DNAJB13: variants seen among roughly 807,000 people sequenced by gnomAD.
DNAJB13 encodes dnaJ homolog subfamily B member 13.
In DNAJB13, 22 loss-of-function variants were observed where a neutral mutation model predicts 35.6. The ratio of observed to expected loss-of-function variants is 0.62; its 90% CI spans 0.44 to 0.88. DNAJB13 has a LOEUF of 0.88. DNAJB13 is among the 40% of genes least tolerant of loss of function. The pLI is 0.00. For missense variants in DNAJB13, 370 were observed against 384.3 expected, an observed-to-expected ratio of 0.96 and a Z score of 0.31; for synonymous variants, 136 against 144.2, an observed-to-expected ratio of 0.94 and a Z score of 0.41.
rs547164979 is a variant in DNAJB13, at chr11:73,958,364, C to G, written c.116C>G (p.Pro39Arg). The G allele has an allele frequency of 1.2e-6, 2 of 1,614,154 alleles. No homozygotes were observed. Among genetic ancestry groups the G allele is most frequent in the South Asian group, 1.1e-5 (1 of 91,078 alleles). ...CACCACCCGTTGAAGTCAAATGAGCCGTCTTCAGCAGAGATTTTCAGGCAA... is the reference window on the plus strand; with the variant it reads ...CACCACCCGTTGAAGTCAAATGAGCGGTCTTCAGCAGAGATTTTCAGGCAA... ...LKHHPLKSNEPSSAEIFRQIA... is the reference protein window; with the variant it reads ...LKHHPLKSNERSSAEIFRQIA... The change falls in exon 2 of 8, where the codon CCG (proline) becomes CGG (arginine). Residue 39 changes from proline to arginine, a missense_variant. Coordinates refer to ENST00000339764, the MANE Select transcript of DNAJB13 (RefSeq NM_153614.4).
chr11:73,956,494 G>A (rs1240030782), intron 1 of DNAJB13, among the ~76,000 whole-genome samples: 1 of 152,088 alleles, frequency 6.6e-6, no homozygotes, highest in Non-Finnish European at 1.5e-5. Context: ...TGCCAGGAGA[G>A]GGACCTGGTC....
At chr11:73,968,169 T>C (rs1951173724) in intron 5 of DNAJB13, 176 bp from the exon 6 acceptor site, 4 of 620,786 alleles carry the variant, frequency 6.4e-6, no homozygotes, top group African/African-American at 3.7e-5. Flanking sequence ...TTGGGTAAGC[T>C]TCTCGGGCTT....
At chr11:73,966,308 T>A (rs1951114877) in intron 5 of DNAJB13, 57 bp downstream of exon 5, 1 of 1,521,488 alleles carries the variant, frequency 6.6e-7, no homozygotes, top group East Asian at 2.3e-5. Flanking sequence ...GTGGGAAGAC[T>A]GAGGAGGAAA....
intron 1 of DNAJB13, among the ~76,000 whole-genome samples, chr11:73,952,180 G>A: frequency 6.6e-6 from 1 of 152,206 alleles, no homozygotes; most frequent in East Asian, 1.9e-4. Context: ...AGTTATCTTG[G>A]AAGGAGAGAG....
At chr11:73,964,815 G>GCGCGCACC in intron 3 of DNAJB13, 63 bp from the exon 4 acceptor site, 3 of 974,086 alleles carry the variant, frequency 3.1e-6, no homozygotes, top group Non-Finnish European at 4.5e-6. Context: ...GTGTGTGTGC[G>GCGCGCACC]CGCGCGCGCA....
At chr11:73,964,808 T>TGAGC in intron 3 of DNAJB13, 70 bp from the exon 4 acceptor site, 5 of 726,182 alleles carry the variant, frequency 6.9e-6, no homozygotes, top group African/African-American at 2.2e-5. Flanking sequence ...TGTGTGTGTG[T>TGAGC]GTGTGCGCGC....
chr11:73,970,237 G>A lies in DNAJB13; in HGVS notation c.*123G>A, dbSNP rs1416929750. 1.9e-5 allele frequency: 24 copies of A among 1,279,802 alleles called. No individual in the cohort carries two copies. Among genetic ancestry groups the A allele is most frequent in the African/African-American group, 1.8e-4 (12 of 66,308 alleles). 79.3% of individuals were successfully genotyped at this position (1,279,802 alleles called of 1,614,324 possible). ...AGATATGATACAAGGGTGGGATGGC[G>A]CAGGGCTTAAACTGACATAATAAAG... is the stretch of plus-strand genomic sequence containing the variant. On this transcript the variant is annotated 3_prime_UTR_variant, in exon 8 of 8. Transcript: ENST00000339764.
Position 73,958,373 on chromosome 11 carries a change from C to A in DNAJB13, c.125C>A (p.Ala42Glu), listed in dbSNP as rs1376363824. The change falls in exon 2 of 8, where the codon GCA becomes GAA. Residue 42 changes from alanine to glutamate, a missense_variant. Coordinates refer to ENST00000339764, the MANE Select transcript of DNAJB13 (RefSeq NM_153614.4). ...HPLKSNEPSS[A>E]EIFRQIAEAY... ...TTGAAGTCAAATGAGCCGTCTTCAG[C>A]AGAGATTTTCAGGCAAATAGCAGAG... 6.2e-7 allele frequency: 1 copy of A among 1,614,136 alleles called. No homozygotes were observed. Among genetic ancestry groups the A allele is most frequent in the Admixed American group, 1.7e-5 (1 of 60,024 alleles).
At chr11:73,965,668 G>A in intron 4 of DNAJB13, 1 of 166,336 alleles carries the variant, frequency 6.0e-6, no homozygotes. Flanking sequence ...TCCCCAGTGG[G>A]GAATGCACTG....
chr11:73,951,245 T>A, intron 1 of DNAJB13, 108 bp downstream of exon 1: 1 of 1,346,820 alleles, frequency 7.4e-7, no homozygotes, highest in Non-Finnish European at 1.0e-6. Flanking sequence ...AAGGTAAACC[T>A]TGTTCCTCCT....
At chr11:73,960,827 T>A (rs1266389169) in intron 3 of DNAJB13, among the ~76,000 whole-genome samples, 1 of 151,772 alleles carries the variant, frequency 6.6e-6, no homozygotes, top group African/African-American at 2.4e-5. Flanking sequence ...TATGTTATAC[T>A]ATATATAGAT....
At chr11:73,964,616 T>TAAAA in intron 3 of DNAJB13, 1 of 423,518 alleles carries the variant, frequency 2.4e-6, no homozygotes, top group Non-Finnish European at 4.2e-6. Context: ...CAAGGGGAGG[T>TAAAA]GAAGCAGTGG....
intron 5 of DNAJB13, chr11:73,968,085 G>A (rs919884908): frequency 8.2e-6 from 4 of 490,130 alleles, no homozygotes; most frequent in Non-Finnish European, 1.4e-5. Context: ...GTCTGAGGAA[G>A]CCTCTCCGCC....
At chr11:73,962,314 G>A (rs1950952153) in intron 3 of DNAJB13, among the ~76,000 whole-genome samples, 1 of 151,548 alleles carries the variant, frequency 6.6e-6, no homozygotes, top group South Asian at 2.1e-4. Context: ...CATCTGACAA[G>A]AGTGAGTGTG....
In DNAJB13 at chr11:73,964,859, C is replaced by T. The variant is rs765178133; in HGVS notation, c.335-19C>T. ...TCTCTGGATACAATTTCTCTTACTC[C>T]TCTCCCTACCTCCTGCAGAGTTTTT... On this transcript the variant is annotated intron_variant, in intron 3 of 7. Coordinates refer to ENST00000339764, the MANE Select transcript of DNAJB13 (RefSeq NM_153614.4). 1.2e-6 allele frequency: 2 copies of T among 1,602,170 alleles called. No homozygotes were observed. The highest frequency in any genetic ancestry group is 3.4e-5 in the Admixed American group (2 of 59,316).
In DNAJB13 at chr11:73,965,034, G is replaced by A. The variant is rs1032306299; in HGVS notation, c.491G>A (p.Arg164Lys). 1.7e-5 allele frequency: 27 copies of A among 1,575,592 alleles called. No individual in the cohort carries two copies. Among genetic ancestry groups the A allele is most frequent in the Non-Finnish European group, 2.2e-5 (25 of 1,162,226 alleles). The change falls in exon 4 of 8, where the codon AGG (arginine) becomes AAG (lysine). Residue 164 changes from arginine (R) to lysine (K), a missense_variant and splice_region_variant. By Grantham distance (26) the Arg-to-Lys change is conservative. Coordinates refer to ENST00000339764, the MANE Select transcript of DNAJB13 (RefSeq NM_153614.4). ...GCTKKIKISR[R>K]VLNEDGYSST... ...ACCAAAAAAATTAAGATCTCCAGAA[G>A]GGTGAGTACTCAGCTTGCTCCTCCC...
At chr11:73,957,806 A>G (rs1950798731) in intron 1 of DNAJB13, among the ~76,000 whole-genome samples, 1 of 152,156 alleles carries the variant, frequency 6.6e-6, no homozygotes, top group African/African-American at 2.4e-5. Flanking sequence ...GTCCTCTAAG[A>G]AGCAAACAGG....
Position 73,954,646 on chromosome 11 carries a change from A to T in DNAJB13, c.68+3509A>T, listed in dbSNP as rs199559163. On this transcript the variant is annotated intron_variant, in intron 1 of 7. Transcript: ENST00000339764. ...CTCCGTCTCAAAAAAAAAAAATAAA[A>T]TAAATAAATAAATAAATAAATAAAT... 2.4e-3 allele frequency among the ~76,000 whole-genome samples: 327 copies of T among 137,342 alleles called. 1 individual carries two copies. Among genetic ancestry groups the T allele is most frequent in the African/African-American group, 6.0e-3 (223 of 37,434 alleles). The allele number at this position is 137,342 out of a possible 152,430, so 90.1% of individuals were successfully genotyped here.
chr11:73,968,439 A>G lies in DNAJB13; in HGVS notation c.701A>G (p.Asn234Ser). 6.2e-7 allele frequency: 1 copy of G among 1,613,690 alleles called. No homozygotes were observed. Among genetic ancestry groups the G allele is most frequent in the Non-Finnish European group, 8.5e-7 (1 of 1,179,830 alleles). ...RRENDNLFFV[N>S]PIPLGKALTC... is the part of the protein sequence containing the mutation. ...GAGAATGACAACCTCTTCTTCGTGAACCCCATCCCTCTTGGCAAGGTGAGT... is the reference window on the plus strand; with the variant it reads ...GAGAATGACAACCTCTTCTTCGTGAGCCCCATCCCTCTTGGCAAGGTGAGT... The change falls in exon 6 of 8, where the codon AAC becomes AGC. Residue 234 changes from asparagine (N) to serine (S), a missense_variant. By Grantham distance (46) the Asn-to-Ser change is conservative. Coordinates refer to ENST00000339764, the MANE Select transcript of DNAJB13 (RefSeq NM_153614.4).
Sources: gnomAD v4.1 joint callset for allele counts (sites outside exome capture counted in the v4.1 genomes callset) on GRCh38, gnomAD v4.1.1 for gene constraint, MANE v1.5 for transcripts, NCBI Gene and HGNC (gene_info 2026-07-23, HGNC 2026-07-21) for gene names.